Variants in PTPRD observed in about 807,000 individuals in gnomAD.
The protein encoded by PTPRD is receptor-type tyrosine-protein phosphatase delta.
A neutral mutation model predicts 214.5 loss-of-function variants in PTPRD; 34 were observed. The observed-to-expected ratio is 0.16, with a 90% CI of 0.12 to 0.21. PTPRD has a LOEUF of 0.21. Ranked by LOEUF, PTPRD falls within the 10% of genes least tolerant of loss-of-function variation. The pLI is 1.00. For missense variants in PTPRD, 2,545 were observed against 2,398.7 expected, an observed-to-expected ratio of 1.06 and a Z score of -1.27; for synonymous variants, 1,128 against 845.7, an observed-to-expected ratio of 1.33 and a Z score of -5.79.
intron 8 of PTPRD, among the ~76,000 whole-genome samples, chr9:9,435,810 A>T (rs2085015095): frequency 1.3e-5 from 2 of 152,178 alleles, no homozygotes; most frequent in Admixed American, 1.3e-4. Context: ...GGATATAATA[A>T]ACTAACTTAT....
At chr9:8,501,258 T>A (rs954332613) in intron 23 of PTPRD, among the ~76,000 whole-genome samples, 199 bp from the exon 24 acceptor site, 5 of 152,142 alleles carry the variant, frequency 3.3e-5, no homozygotes, top group African/African-American at 1.2e-4. Context: ...AAAAGAGAAT[T>A]AATGACCAAA....
At chr9:10,407,459 T>C (rs897731049) in intron 2 of PTPRD, among the ~76,000 whole-genome samples, 1 of 151,582 alleles carries the variant, frequency 6.6e-6, no homozygotes. Flanking sequence ...GATGAAAATA[T>C]ATATCCTACC....
chr9:10,412,614 G>A (rs28488006), intron 2 of PTPRD, among the ~76,000 whole-genome samples: 15 of 104,826 alleles, frequency 1.4e-4, no homozygotes, highest in South Asian at 1.4e-3. Context: ...ATACACACAC[G>A]CACGCACACA....
At chr9:9,977,006 T>C (rs1029105068) in intron 4 of PTPRD, among the ~76,000 whole-genome samples, 2 of 152,202 alleles carry the variant, frequency 1.3e-5, no homozygotes, top group African/African-American at 4.8e-5. Context: ...TTTGCAGATA[T>C]ATTTTAACCA....
chr9:8,768,298 C>G (rs1293998502), intron 11 of PTPRD, among the ~76,000 whole-genome samples: 1 of 152,140 alleles, frequency 6.6e-6, no homozygotes, highest in Non-Finnish European at 1.5e-5. Context: ...TGCCTGTAAT[C>G]CCAACACTTT....
At position 8,919,912 on chromosome 9, in the gene PTPRD, A is replaced by ACAT. The variant is rs1395872163; in HGVS notation, c.-104+98784_-104+98785insATG. ...CATAGATGTACATGCATGTATGCAT[A>ACAT]AGTGGATGCATGTGCATGCATGTAT... On this transcript the variant is annotated intron_variant, in intron 11 of 45. Transcript: ENST00000381196. 2.5e-5 allele frequency among the ~76,000 whole-genome samples: 3 copies of ACAT among 121,918 alleles called. No homozygotes were observed. The East Asian group carries it at 8.5e-4, about 34-fold the overall frequency. The allele number at this position is 121,918 out of a possible 152,430, so 80.0% of individuals were successfully genotyped here.
intron 4 of PTPRD, among the ~76,000 whole-genome samples, chr9:10,013,628 C>A (rs1243025664): frequency 6.6e-6 from 1 of 151,446 alleles, no homozygotes; most frequent in Non-Finnish European, 1.5e-5. Flanking sequence ...ATGGCAATTA[C>A]TACAAGTGTA....
chr9:9,058,470 A>G (rs370660837), intron 10 of PTPRD, among the ~76,000 whole-genome samples: 2 of 12,642 alleles, frequency 1.6e-4, no homozygotes, highest in Non-Finnish European at 3.4e-4. Flanking sequence ...TTTTTTTTTG[A>G]GACGGAGTCT....
At chr9:9,379,520 G>T (rs1320731164) in intron 9 of PTPRD, among the ~76,000 whole-genome samples, 1 of 151,678 alleles carries the variant, frequency 6.6e-6, no homozygotes, top group African/African-American at 2.4e-5. Context: ...TGCCATTCTG[G>T]ATATTATTTC....
intron 15 of PTPRD, 123 bp downstream of exon 15, chr9:8,528,468 A>C: frequency 1.1e-6 from 1 of 873,878 alleles, no homozygotes; most frequent in Non-Finnish European, 1.8e-6. Flanking sequence ...TAACAGAGAA[A>C]GAGAAGAGGG....
chr9:10,308,522 T>G (rs2096162678), intron 3 of PTPRD, among the ~76,000 whole-genome samples: 1 of 151,274 alleles, frequency 6.6e-6, no homozygotes. Flanking sequence ...TTCTTTGTGT[T>G]CAAGATTGCT....
Position 10,191,682 on chromosome 9 carries a change from C to T in PTPRD, c.-545+149281G>A, listed in dbSNP as rs551928282. The stretch of plus-strand genomic sequence containing the variant: ...ACTTGATCAGAGGGTTGCTTAGTGA[C>T]CCTCTCGTTCCACTTCCTCTGATAA... On this transcript the variant is annotated intron_variant, in intron 3 of 45. Transcript: ENST00000381196. Among the ~76,000 whole-genome samples, 49 of 152,272 alleles carry T rather than the reference C, an allele frequency of 3.2e-4. 2 individuals carry two copies. The South Asian group carries it at 0.01, about 32-fold the overall frequency.
At chr9:8,780,643 A>C (rs1377684808) in intron 11 of PTPRD, among the ~76,000 whole-genome samples, 1 of 152,204 alleles carries the variant, frequency 6.6e-6, no homozygotes, top group Non-Finnish European at 1.5e-5. Flanking sequence ...TGTGTCAGTC[A>C]GTAGAATGAA....
intron 3 of PTPRD, among the ~76,000 whole-genome samples, chr9:10,332,780 T>C (rs898025931): frequency 6.6e-6 from 1 of 151,792 alleles, no homozygotes; most frequent in Admixed American, 6.6e-5. Flanking sequence ...TGAAAGAGTC[T>C]GTCTTTTTAA....
At chr9:8,372,034 A>G (rs748372220) in intron 39 of PTPRD, among the ~76,000 whole-genome samples, 19 of 152,078 alleles carry the variant, frequency 1.2e-4, no homozygotes, top group Non-Finnish European at 2.5e-4. Flanking sequence ...CATCATTTTA[A>G]GAGTTGAAAG....
At chr9:8,634,267 C>T (rs2096355964) in intron 13 of PTPRD, among the ~76,000 whole-genome samples, 1 of 151,732 alleles carries the variant, frequency 6.6e-6, no homozygotes, top group South Asian at 2.1e-4. Context: ...ATGATATTAA[C>T]AAATATGTAT....
At chr9:8,743,989 A>G (rs746759071) in intron 11 of PTPRD, among the ~76,000 whole-genome samples, 20 of 152,050 alleles carry the variant, frequency 1.3e-4, no homozygotes, top group Non-Finnish European at 2.6e-4. Flanking sequence ...TGAACAGACA[A>G]TTCTCAAAAA....
intron 9 of PTPRD, among the ~76,000 whole-genome samples, chr9:9,323,549 C>A (rs1202026568): frequency 6.6e-6 from 1 of 152,118 alleles, no homozygotes; most frequent in Non-Finnish European, 1.5e-5. Flanking sequence ...ACATTGTTAA[C>A]CACTATTGAA....
At chr9:9,152,638 G>A (rs933262565) in intron 10 of PTPRD, among the ~76,000 whole-genome samples, 2 of 152,198 alleles carry the variant, frequency 1.3e-5, no homozygotes, top group Admixed American at 6.5e-5. Context: ...TTGCTTGACT[G>A]TAATTTTCAC....
Sources: allele counts gnomAD v4.1 joint callset (sites outside exome capture counted in the v4.1 genomes callset), GRCh38; gene constraint gnomAD v4.1.1; transcripts MANE v1.5; gene names NCBI Gene and HGNC (gene_info 2026-07-23, HGNC 2026-07-21).